The following FBXL2 variants were observed in gnomAD, a reference collection of about 807,000 sequenced individuals.
FBXL2 encodes F-box/LRR-repeat protein 2.
In FBXL2, 38 loss-of-function variants were observed where a neutral mutation model predicts 69.2. That is an observed-to-expected ratio of 0.55 (90% CI 0.42 to 0.72). The LOEUF (loss-of-function observed/expected upper bound fraction) is 0.72. FBXL2 is among the 30% of genes least tolerant of loss of function. The pLI, the probability that FBXL2 is intolerant of heterozygous loss-of-function variation, is 0.00. For missense variants in FBXL2, 354 were observed against 520.3 expected, an observed-to-expected ratio of 0.68 and a Z score of 3.11; for synonymous variants, 192 against 201.3, an observed-to-expected ratio of 0.95 and a Z score of 0.39.
At chr3:33,331,625 C>T (rs925748202) in intron 2 of FBXL2, among the ~76,000 whole-genome samples, 2 of 152,052 alleles carry the variant, frequency 1.3e-5, no homozygotes, top group Admixed American at 1.3e-4. Flanking sequence ...AGGATGAAAC[C>T]TTTGGGAGAA....
At chr3:33,376,999 G>GCAAAA (rs1246216685) in intron 10 of FBXL2, among the ~76,000 whole-genome samples, 7 of 152,046 alleles carry the variant, frequency 4.6e-5, no homozygotes, top group South Asian at 2.1e-4. Context: ...GACGCTGTTT[G>GCAAAA]CAAAACAAAA....
chr3:33,362,531 A>G (rs2041697428), intron 4 of FBXL2, among the ~76,000 whole-genome samples: 1 of 152,158 alleles, frequency 6.6e-6, no homozygotes, highest in Non-Finnish European at 1.5e-5. Context: ...TTGTGTATGT[A>G]GTTTTGTATT....
rs907277134 is a variant in FBXL2 at position 33,373,184 on chromosome 3, G to A, written c.359+24G>A. ...AGGTAAGTAATGAAGATTAATTGGT[G>A]ACCAAATAGCCACGGGGAGAGAGAA... On this transcript the variant is annotated intron_variant, in intron 6 of 14. Transcript: ENST00000484457. 4 of 1,612,320 alleles carry A rather than the reference G, an allele frequency of 2.5e-6. No individual in the cohort carries two copies. In the African/African-American group the frequency reaches 5.3e-5, roughly 22 times the overall value.
chr3:33,295,706 T>C lies in FBXL2; in HGVS notation c.4-1958T>C, dbSNP rs146065884. Among the ~76,000 whole-genome samples the C allele has an allele frequency of 9.2e-4, 140 of 152,344 alleles. 2 individuals carry two copies. In the Middle Eastern group the frequency reaches 0.01, roughly 11 times the overall value. On this transcript the variant is annotated intron_variant, in intron 1 of 14. Transcript: ENST00000484457. Reference sequence around the variant, plus strand: ...TGCCATTTTACATTCCCACCAGCAGTGTATGAGAGTTCCAGTTTCTCCACA... The same window carrying C: ...TGCCATTTTACATTCCCACCAGCAGCGTATGAGAGTTCCAGTTTCTCCACA...
rs2033415811 is a variant in FBXL2, at chr3:33,277,575, G to A, written c.3+60G>A. 8.8e-6 allele frequency: 11 copies of A among 1,249,006 alleles called. No homozygotes were observed. The South Asian group carries it at 3.8e-4, about 43-fold the overall frequency. 77.4% of individuals were successfully genotyped at this position (1,249,006 alleles called of 1,614,324 possible). A position where few individuals can be genotyped will look rare whatever the true frequency, so the allele number is the denominator to read the frequency against. On this transcript the variant is annotated intron_variant, in intron 1 of 14. Transcript: ENST00000484457. ...GCCCTACCCCTACCGGGCTGGGTCC[G>A]CACGCCGCCGCCCGCTAGGGTCGGG...
chr3:33,368,588 G>A (rs2042097473), intron 5 of FBXL2, among the ~76,000 whole-genome samples: 1 of 151,818 alleles, frequency 6.6e-6, no homozygotes, highest in African/African-American at 2.4e-5. Context: ...TTTATAGTTG[G>A]GTGTTGCTTT....
At chr3:33,326,316 C>T (rs1367871922) in intron 2 of FBXL2, among the ~76,000 whole-genome samples, 8 of 151,842 alleles carry the variant, frequency 5.3e-5, no homozygotes, top group East Asian at 1.9e-4. Context: ...CTGGCTAACA[C>T]GGTGAAACCC....
At chr3:33,301,880 G>A (rs2036326884) in intron 2 of FBXL2, among the ~76,000 whole-genome samples, 1 of 152,038 alleles carries the variant, frequency 6.6e-6, no homozygotes, top group Admixed American at 6.6e-5. Context: ...GACTTTCTGG[G>A]TTCAGATTTC....
chr3:33,293,777 C>A (rs914442437), intron 1 of FBXL2, among the ~76,000 whole-genome samples: 1 of 152,168 alleles, frequency 6.6e-6, no homozygotes, highest in African/African-American at 2.4e-5. Context: ...ACCCCAGCAT[C>A]AGTTGGAGAC....
At chr3:33,302,989 G>C (rs1251341254) in intron 2 of FBXL2, 6 of 446,988 alleles carry the variant, frequency 1.3e-5, no homozygotes, top group Non-Finnish European at 2.7e-5. Context: ...GCTTATCATA[G>C]GTCCTTGGCA....
chr3:33,294,983 C>T (rs2035605628), intron 1 of FBXL2, among the ~76,000 whole-genome samples: 1 of 152,010 alleles, frequency 6.6e-6, no homozygotes. Flanking sequence ...CTCATATATC[C>T]AACACAAAGA....
chr3:33,335,105 A>T (rs1258399882), intron 2 of FBXL2, among the ~76,000 whole-genome samples: 2 of 124,230 alleles, frequency 1.6e-5, no homozygotes, highest in Non-Finnish European at 3.6e-5. Flanking sequence ...TGTCTCAAAT[A>T]ATAATAATAA....
At chr3:33,422,087 G>A in the FBXL2 span, among the ~76,000 whole-genome samples, 10,106 of 152,142 alleles carry the variant, frequency 0.066, 1,120 homozygotes, top group African/African-American at 0.23. Context: ...AGAAAAGCAA[G>A]TCTAGTGAGC....
intron 2 of FBXL2, among the ~76,000 whole-genome samples, chr3:33,314,837 C>T (rs547648564): frequency 2.3e-4 from 35 of 152,246 alleles, no homozygotes; most frequent in African/African-American, 7.9e-4. Context: ...TTTCTTAGAA[C>T]TTGAATTTTA....
intron 12 of FBXL2, chr3:33,397,057 G>A (rs1242238787): frequency 1.9e-6 from 3 of 1,594,212 alleles, no homozygotes; most frequent in Non-Finnish European, 2.6e-6. Flanking sequence ...TGACTTCAGT[G>A]AATTATAGAG....
chr3:33,321,309 CAA>C (rs996549026), intron 2 of FBXL2, among the ~76,000 whole-genome samples: 3 of 94,948 alleles, frequency 3.2e-5, no homozygotes, highest in Admixed American at 2.4e-4. Flanking sequence ...GACTCCATCT[CAA>C]AAAAAAAAAG....
chr3:33,395,528 T>C (rs1428230450), intron 12 of FBXL2, among the ~76,000 whole-genome samples: 1 of 151,922 alleles, frequency 6.6e-6, no homozygotes, highest in Admixed American at 6.6e-5. Flanking sequence ...CACTATACCG[T>C]ACAATTAAAT....
intron 7 of FBXL2, 73 bp downstream of exon 7, chr3:33,373,428 C>A: frequency 6.6e-7 from 1 of 1,512,978 alleles, no homozygotes; most frequent in South Asian, 1.1e-5. Context: ...TCTTAATGGT[C>A]ACGTTGGATC....
At chr3:33,388,219 C>T (rs1002439131), downstream of FBXL2, 10 of 152,220 alleles carry the variant, frequency 6.6e-5, no homozygotes, top group Admixed American at 4.6e-4. Context: ...AAGGAAAAAA[C>T]TATGAGCCTA....
Sources: allele counts gnomAD v4.1 joint callset (sites outside exome capture counted in the v4.1 genomes callset), GRCh38; gene constraint gnomAD v4.1.1; transcripts MANE v1.5; gene names NCBI Gene and HGNC (gene_info 2026-07-23, HGNC 2026-07-21).